LOC128092253: variants seen among roughly 807,000 people sequenced by gnomAD.
At chr6:133,968,277 A>G in the LOC128092253 span, among the ~76,000 whole-genome samples, 1 of 152,318 alleles carries the variant, frequency 6.6e-6, no homozygotes, top group East Asian at 1.9e-4. Context: ...TCAGAAAATG[A>G]CATGCTATCT....
At chr6:133,967,222 A>C in the LOC128092253 span, among the ~76,000 whole-genome samples, 1 of 152,194 alleles carries the variant, frequency 6.6e-6, no homozygotes, top group Non-Finnish European at 1.5e-5. Context: ...TTAGATTTCC[A>C]GTTCATTGTT....
the LOC128092253 span, among the ~76,000 whole-genome samples, chr6:133,960,029 C>A: frequency 6.6e-6 from 1 of 152,168 alleles, no homozygotes. Flanking sequence ...GAGCCGCAAG[C>A]GTTTTTCCTC....
chr6:133,965,919 A>G, the LOC128092253 span, among the ~76,000 whole-genome samples: 15 of 152,326 alleles, frequency 9.8e-5, no homozygotes, highest in South Asian at 2.1e-4. Context: ...AATTTTCACA[A>G]CACTATGATG....
chr6:133,967,453 T>G, the LOC128092253 span, among the ~76,000 whole-genome samples: 1 of 152,174 alleles, frequency 6.6e-6, no homozygotes, highest in Non-Finnish European at 1.5e-5. Context: ...TACAAATGGT[T>G]AGTAATATAG....
chr6:133,979,948 G>T, the LOC128092253 span: 821 of 693,628 alleles, frequency 1.2e-3, 6 homozygotes, highest in African/African-American at 0.014. Context: ...TGCCCGGCCA[G>T]GGACATGATT....
At chr6:133,972,410 G>A in the LOC128092253 span, among the ~76,000 whole-genome samples, 3 of 152,080 alleles carry the variant, frequency 2.0e-5, no homozygotes, top group African/African-American at 7.2e-5. Flanking sequence ...TAAAAATAAG[G>A]GCCTTACATT....
chr6:133,969,932 G>A, the LOC128092253 span, among the ~76,000 whole-genome samples: 1 of 152,174 alleles, frequency 6.6e-6, no homozygotes, highest in African/African-American at 2.4e-5. Context: ...CATCTAATAT[G>A]TTAGGCTCCT....
chr6:133,978,764 G>A, the LOC128092253 span, among the ~76,000 whole-genome samples: 1,909 of 152,290 alleles, frequency 0.013, 17 homozygotes, highest in Middle Eastern at 0.02. Flanking sequence ...TGTTCTATCA[G>A]AAACTTAAAG....
At chr6:133,960,259 G>A in the LOC128092253 span, among the ~76,000 whole-genome samples, 1 of 152,292 alleles carries the variant, frequency 6.6e-6, no homozygotes, top group East Asian at 1.9e-4. Context: ...AGAAATTAGT[G>A]TGCTAATCTT....
the LOC128092253 span, among the ~76,000 whole-genome samples, chr6:133,958,653 ATAAATGTTTCTGCC>A: frequency 6.6e-6 from 1 of 152,250 alleles, no homozygotes; most frequent in Non-Finnish European, 1.5e-5. Flanking sequence ...CTGACTAAAA[ATAAATGTTTCTGCC>A]TAAACAAAGT....
the LOC128092253 span, among the ~76,000 whole-genome samples, chr6:133,973,779 G>A: frequency 6.6e-6 from 1 of 152,090 alleles, no homozygotes; most frequent in Non-Finnish European, 1.5e-5. Context: ...CAGTTTTGAA[G>A]TTTGCTTTTT....
chr6:133,955,541 G>A, the LOC128092253 span, among the ~76,000 whole-genome samples: 1 of 152,016 alleles, frequency 6.6e-6, no homozygotes, highest in Non-Finnish European at 1.5e-5. Flanking sequence ...AATTGGAGTG[G>A]TCATGTTAGA....
At chr6:133,973,006 G>A in the LOC128092253 span, among the ~76,000 whole-genome samples, 1,376 of 152,192 alleles carry the variant, frequency 9.0e-3, 15 homozygotes, top group Middle Eastern at 0.017. Flanking sequence ...CTTTTATAAG[G>A]CTTATTTTAT....
the LOC128092253 span, among the ~76,000 whole-genome samples, chr6:133,974,941 C>T: frequency 9.1e-4 from 139 of 152,274 alleles, no homozygotes; most frequent in South Asian, 9.3e-3. Flanking sequence ...ACATATCCAA[C>T]TTCAGTCACA....
At chr6:133,971,716 G>T in the LOC128092253 span, among the ~76,000 whole-genome samples, 26 of 151,816 alleles carry the variant, frequency 1.7e-4, no homozygotes, top group Non-Finnish European at 2.9e-5. Flanking sequence ...ATACCTGTTG[G>T]CCATTGGTAT....
At chr6:133,980,028 A>G in the LOC128092253 span, 1 of 1,249,894 alleles carries the variant, frequency 8.0e-7, no homozygotes, top group South Asian at 2.3e-5. Context: ...AAAATTGTGA[A>G]AAGTGAATTA....
the LOC128092253 span, among the ~76,000 whole-genome samples, chr6:133,958,796 AT>A: frequency 2.6e-5 from 4 of 152,088 alleles, no homozygotes; most frequent in Non-Finnish European, 5.9e-5. Context: ...TTAAAAGCAT[AT>A]TTTGCTTTAA....
chr6:133,977,506 G>A, the LOC128092253 span, among the ~76,000 whole-genome samples: 1 of 152,120 alleles, frequency 6.6e-6, no homozygotes, highest in African/African-American at 2.4e-5. Flanking sequence ...ATTCAGAGTA[G>A]AGTAGAACTC....
At chr6:133,963,140 T>C in the LOC128092253 span, among the ~76,000 whole-genome samples, 1 of 152,104 alleles carries the variant, frequency 6.6e-6, no homozygotes, top group South Asian at 2.1e-4. Context: ...GAAGTGGAGT[T>C]TGGGAAACAA....
Sources: gnomAD v4.1 joint callset for allele counts (sites outside exome capture counted in the v4.1 genomes callset) on GRCh38, gnomAD v4.1.1 for gene constraint, MANE v1.5 for transcripts.